The following AGAP1 variants were observed in gnomAD, a reference collection of about 807,000 sequenced individuals.
The protein encoded by AGAP1 is arf-GAP with GTPase, ANK repeat and PH domain-containing protein 1.
AGAP1 carries 29 observed loss-of-function variants against 105.3 expected under a neutral mutation model. That is an observed-to-expected ratio of 0.28 (90% CI 0.21 to 0.38). The LOEUF (loss-of-function observed/expected upper bound fraction) is 0.38, where lower values mean the gene tolerates loss of function less well. AGAP1 is among the 10% of genes least tolerant of loss of function. AGAP1 has a pLI of 1.00. For synonymous variants in AGAP1, 509 were observed against 485.9 expected (o/e 1.05, Z -0.63); for missense variants, 998 against 1,165.1 (o/e 0.86, Z 2.09).
At chr2:235,547,439 A>G (rs1943662845) in intron 1 of AGAP1, among the ~76,000 whole-genome samples, 1 of 150,178 alleles carries the variant, frequency 6.7e-6, no homozygotes, top group Admixed American at 6.7e-5. Context: ...GCTCACTGCA[A>G]CCTCTGCCTC....
intron 6 of AGAP1, among the ~76,000 whole-genome samples, chr2:235,764,126 G>A (rs560639824): frequency 1.2e-4 from 19 of 152,308 alleles, no homozygotes; most frequent in South Asian, 8.3e-4. Context: ...CCATGCTTCC[G>A]TAAGCTCTTC....
intron 3 of AGAP1, among the ~76,000 whole-genome samples, chr2:235,726,473 A>G (rs760112918): frequency 2.0e-5 from 3 of 152,220 alleles, no homozygotes; most frequent in African/African-American, 7.2e-5. Flanking sequence ...TTTTACCCCA[A>G]AAGTGTTCTG....
rs1422792231 is a variant in AGAP1, at chr2:235,908,056, G to C, written c.1156-682G>C. ...CCCATCCCCCGGCTCTCAGTTGCTT[G>C]TTCACCTTCCCCGTTCCCTGCCCAT... On this transcript the variant is annotated intron_variant, in intron 10 of 17. Coordinates refer to ENST00000304032, the MANE Select transcript of AGAP1 (RefSeq NM_001037131.3). This position sits in a 1 kb window ranked among gnomAD's most constrained non-coding sequence, Gnocchi z 4.4. 2.0e-5 allele frequency among the ~76,000 whole-genome samples: 3 copies of C among 152,146 alleles called. No individual in the cohort carries two copies. The highest frequency in any genetic ancestry group is 7.2e-5 in the African/African-American group (3 of 41,436).
At position 236,035,251 on chromosome 2, in the gene AGAP1, G is replaced by A. The variant is rs968553680; in HGVS notation, c.1646-1310G>A. Among the ~76,000 whole-genome samples, 22 of 152,176 alleles carry A rather than the reference G, an allele frequency of 1.4e-4. No individual in the cohort carries two copies. Among genetic ancestry groups the A allele is most frequent in the Non-Finnish European group, 2.2e-4 (15 of 68,022 alleles). On this transcript the variant is annotated intron_variant, in intron 13 of 17. Coordinates refer to ENST00000304032, the MANE Select transcript of AGAP1 (RefSeq NM_001037131.3). This position sits in a 1 kb window ranked among gnomAD's most constrained non-coding sequence, Gnocchi z 4.2. The stretch of plus-strand genomic sequence containing the variant: ...AAGTCAGTACTAATAATAGTTGCTC[G>A]CCAGGGGATTATAATGCAGCTAGTT...
At chr2:235,759,429 A>G (rs1294809190) in intron 6 of AGAP1, among the ~76,000 whole-genome samples, 1 of 152,168 alleles carries the variant, frequency 6.6e-6, no homozygotes, top group East Asian at 1.9e-4. Context: ...TTGGCCTCCC[A>G]AAGTGCTGGG....
rs565271707 is a variant in AGAP1, at chr2:235,866,394, G to A, written c.1051-16951G>A. ...GACTTGAGGTACCTGGTAGATACTC[G>A]GGGGAGTGTGTCCAGTACGGAATGG... On this transcript the variant is annotated intron_variant, in intron 9 of 17. Coordinates refer to ENST00000304032, the MANE Select transcript of AGAP1 (RefSeq NM_001037131.3). The surrounding 1 kb of genome is among the most constrained non-coding windows in gnomAD (Gnocchi z 6.1). 2.6e-5 allele frequency among the ~76,000 whole-genome samples: 4 copies of A among 152,226 alleles called. No homozygotes were observed. Among genetic ancestry groups the A allele is most frequent in the Admixed American group, 6.5e-5 (1 of 15,286 alleles).
intron 1 of AGAP1, among the ~76,000 whole-genome samples, chr2:235,563,431 T>A (rs1368322676): frequency 6.6e-6 from 1 of 152,186 alleles, no homozygotes; most frequent in Non-Finnish European, 1.5e-5. Flanking sequence ...CAGCCCCACT[T>A]TCCTCTGCCC....
At chr2:235,902,693 A>G (rs576603194) in intron 10 of AGAP1, among the ~76,000 whole-genome samples, 1 of 152,290 alleles carries the variant, frequency 6.6e-6, no homozygotes, top group African/African-American at 2.4e-5. Flanking sequence ...TCATTCTTTC[A>G]GGTAAAAATC....
Position 235,979,630 on chromosome 2 carries a change from A to G in AGAP1, c.1645+11007A>G, listed in dbSNP as rs77439303. 5.1e-3 allele frequency among the ~76,000 whole-genome samples: 773 copies of G among 152,316 alleles called. 9 individuals carry two copies. Among genetic ancestry groups the G allele is most frequent in the East Asian group, 0.045 (233 of 5,166 alleles). On this transcript the variant is annotated intron_variant, in intron 13 of 17. Transcript: ENST00000304032. The surrounding 1 kb of genome is among the most constrained non-coding windows in gnomAD (Gnocchi z 4.5). ...AACGTTCCGGCAGGCATTGCCGTGCACGGACACACAACTTCACAAGGGCCT... is the reference window on the plus strand; with the variant it reads ...AACGTTCCGGCAGGCATTGCCGTGCGCGGACACACAACTTCACAAGGGCCT...
At chr2:235,870,358 G>A (rs957967412) in intron 9 of AGAP1, among the ~76,000 whole-genome samples, 2 of 152,312 alleles carry the variant, frequency 1.3e-5, no homozygotes, top group South Asian at 2.1e-4. Flanking sequence ...TTCTAAAAAG[G>A]TGGAGAGGCT....
rs562865437 is a variant in AGAP1, at chr2:235,607,588, G to C, written c.164-101591G>C. The stretch of plus-strand genomic sequence containing the variant: ...TCTGGGGTTACCTTTTTCAGCCTTT[G>C]CTTTGTTTGTCACCTGAAGGGGCTG... On this transcript the variant is annotated intron_variant, in intron 1 of 17. Transcript: ENST00000304032. Among the ~76,000 whole-genome samples, 5 of 152,328 alleles carry C rather than the reference G, an allele frequency of 3.3e-5. No individual in the cohort carries two copies. In the East Asian group the frequency reaches 9.7e-4, roughly 29 times the overall value.
At chr2:235,686,663 ATAT>A (rs1341683865) in intron 1 of AGAP1, among the ~76,000 whole-genome samples, 23 of 59,746 alleles carry the variant, frequency 3.8e-4, no homozygotes, top group African/African-American at 2.0e-3. Context: ...ATATATATAT[ATAT>A]TTTTTTTTTT....
At position 235,901,788 on chromosome 2, in the gene AGAP1, A is replaced by C. The variant is rs1465472269; in HGVS notation, c.1156-6950A>C. ...CAGCTACTCAGGAGGCTGAGGCAGT[A>C]GAATCACTTGAACCCAGGAGACAGA... On this transcript the variant is annotated intron_variant, in intron 10 of 17. Coordinates refer to ENST00000304032, the MANE Select transcript of AGAP1 (RefSeq NM_001037131.3). This position sits in a 1 kb window ranked among gnomAD's most constrained non-coding sequence, Gnocchi z 4.3. Among the ~76,000 whole-genome samples the C allele has an allele frequency of 6.6e-6, 1 of 152,102 alleles. No homozygotes were observed. Among genetic ancestry groups the C allele is most frequent in the African/African-American group, 2.4e-5 (1 of 41,410 alleles).
chr2:235,762,013 G>A (rs1360178811), intron 6 of AGAP1, among the ~76,000 whole-genome samples: 1 of 151,684 alleles, frequency 6.6e-6, no homozygotes, highest in South Asian at 2.1e-4. Context: ...GGAGGCTGAG[G>A]CAGGAGAATC....
intron 9 of AGAP1, among the ~76,000 whole-genome samples, chr2:235,871,764 G>C (rs552825406): frequency 3.6e-4 from 55 of 152,350 alleles, no homozygotes; most frequent in African/African-American, 1.0e-3. Context: ...ATCTGTCAGA[G>C]CTTCCCAAGG....
rs943884883 is a variant in AGAP1, at chr2:235,608,699, G to T, written c.164-100480G>T. 2.0e-5 allele frequency among the ~76,000 whole-genome samples: 3 copies of T among 152,150 alleles called. No homozygotes were observed. The highest frequency in any genetic ancestry group is 7.2e-5 in the African/African-American group (3 of 41,426). On this transcript the variant is annotated intron_variant, in intron 1 of 17. Transcript: ENST00000304032. This position sits in a 1 kb window ranked among gnomAD's most constrained non-coding sequence, Gnocchi z 5.4. ...ATTCCGGACGCCCTGCTGCTACTTG[G>T]CCTCCAACCAAAAAATTGTTCTTCT...
intron 1 of AGAP1, among the ~76,000 whole-genome samples, chr2:235,532,526 G>A (rs1943078492): frequency 6.6e-6 from 1 of 152,172 alleles, no homozygotes. Context: ...TTTTACGAGG[G>A]TTGTATATGT....
At chr2:235,563,876 G>A (rs907560710) in intron 1 of AGAP1, among the ~76,000 whole-genome samples, 11 of 152,042 alleles carry the variant, frequency 7.2e-5, no homozygotes, top group African/African-American at 2.7e-4. Flanking sequence ...TTTACAAATG[G>A]GGACATTGTG....
rs2058029130 is a variant in AGAP1, at chr2:236,055,580, C to A, written c.2114+6299C>A. On this transcript the variant is annotated intron_variant, in intron 16 of 17. Transcript: ENST00000304032. The surrounding 1 kb of genome is among the most constrained non-coding windows in gnomAD (Gnocchi z 6.2). ...GTCAGTGGGCCTGCCCTGGCCCCAG[C>A]CGCAGAGCGGGTCCACCCTCCCAGT... Among the ~76,000 whole-genome samples, 1 of 152,260 alleles carries A rather than the reference C, an allele frequency of 6.6e-6. No individual in the cohort carries two copies. The highest frequency in any genetic ancestry group is 1.5e-5 in the Non-Finnish European group (1 of 68,042).
Sources: gnomAD v4.1 joint callset for allele counts (sites outside exome capture counted in the v4.1 genomes callset) on GRCh38, gnomAD v4.1.1 for gene constraint, Gnocchi (gnomAD v3.1) non-coding constraint, MANE v1.5 for transcripts, NCBI Gene and HGNC (gene_info 2026-07-23, HGNC 2026-07-21) for gene names.